Variants in ITPR1 observed in about 807,000 individuals in gnomAD.
The protein encoded by ITPR1 is inositol 1,4,5-trisphosphate receptor type 1, also known as inositol 1,4,5-trisphosphate-gated calcium channel ITPR1.
In ITPR1, 96 loss-of-function variants were observed where a neutral mutation model predicts 318.4. The observed-to-expected ratio is 0.30, with a 90% CI of 0.26 to 0.36. ITPR1 has a LOEUF of 0.36. ITPR1 is among the 10% of genes least tolerant of loss of function. The pLI, the probability that ITPR1 is intolerant of heterozygous loss-of-function variation, is 1.00. For synonymous variants in ITPR1, 1,312 were observed against 1,289.9 expected, an observed-to-expected ratio of 1.02 and a Z score of -0.37; for missense variants, 2,440 against 3,460.2, an observed-to-expected ratio of 0.71 and a Z score of 7.40.
In ITPR1 at chr3:4,778,759, C is replaced by T. The variant is rs2046635537; in HGVS notation, c.6292-791C>T. Among the ~76,000 whole-genome samples the T allele has an allele frequency of 3.3e-5, 5 of 152,020 alleles. No individual in the cohort carries two copies. In the South Asian group the frequency reaches 1.0e-3, roughly 32 times the overall value. ...TATGGATGATGATAGAAATTTGTGC[C>T]CTGCGATAGCATGATACCCTGACTC... On this transcript the variant is annotated intron_variant, in intron 48 of 61. Transcript: ENST00000649015.
chr3:4,784,836 G>A (rs1318903202), intron 51 of ITPR1, among the ~76,000 whole-genome samples: 2 of 152,000 alleles, frequency 1.3e-5, no homozygotes, highest in African/African-American at 2.4e-5. Context: ...GGCGGGGATT[G>A]CAGTGGGCCA....
intron 4 of ITPR1, among the ~76,000 whole-genome samples, chr3:4,526,100 A>C (rs1351826981): frequency 6.6e-6 from 1 of 152,236 alleles, no homozygotes; most frequent in African/African-American, 2.4e-5. Flanking sequence ...TTCTCTGTTC[A>C]CATCAAGAGG....
chr3:4,578,100 G>T (rs1235032244), intron 4 of ITPR1, among the ~76,000 whole-genome samples: 1 of 152,136 alleles, frequency 6.6e-6, no homozygotes, highest in Non-Finnish European at 1.5e-5. Flanking sequence ...CAAGCAAAAA[G>T]AGAAAAAGGA....
chr3:4,658,218 TCTC>T lies in ITPR1; in HGVS notation c.1096_1098del (p.Ser366del), dbSNP rs746446105. The T allele has an allele frequency of 6.2e-7, 1 of 1,613,566 alleles. No individual in the cohort carries two copies. Among genetic ancestry groups the T allele is most frequent in the Non-Finnish European group, 8.5e-7 (1 of 1,179,706 alleles). On this transcript the variant is annotated inframe_deletion, in exon 13 of 62. Coordinates refer to ENST00000649015, the MANE Select transcript of ITPR1 (RefSeq NM_001378452.1). Reference sequence around the variant, plus strand: ...GTCTCTGTGCCTGAAGGCAATGACATCTCCTCCATTTTCGAGCTAGATCCCACC... The same window carrying T: ...GTCTCTGTGCCTGAAGGCAATGACATCTCCATTTTCGAGCTAGATCCCACC...
At chr3:4,610,647 G>T (rs1009121156) in intron 4 of ITPR1, among the ~76,000 whole-genome samples, 1 of 152,114 alleles carries the variant, frequency 6.6e-6, no homozygotes, top group Non-Finnish European at 1.5e-5. Flanking sequence ...TACTGAGGAT[G>T]TAGAGTTCTC....
In ITPR1 at chr3:4,676,564, G is replaced by C. The variant is rs779765791; in HGVS notation, c.2780-50G>C. 16 of 1,444,558 alleles carry C rather than the reference G, an allele frequency of 1.1e-5. No individual in the cohort carries two copies. In the African/African-American group the frequency reaches 1.8e-4, roughly 16 times the overall value. The allele number at this position is 1,444,558 out of a possible 1,614,324, so 89.5% of individuals were successfully genotyped here. A position where few individuals can be genotyped will look rare whatever the true frequency, so the allele number is the denominator to read the frequency against. ...CCCCTGCCCCTTGACATATGCCTCT[G>C]AGCATTCTCTAGAGACATTGTGACC... On this transcript the variant is annotated intron_variant, in intron 23 of 61. Coordinates refer to ENST00000649015, the MANE Select transcript of ITPR1 (RefSeq NM_001378452.1).
At chr3:4,768,887 T>G (rs187358430) in intron 46 of ITPR1, 123 bp downstream of exon 46, 1 of 931,202 alleles carries the variant, frequency 1.1e-6, no homozygotes, top group Admixed American at 2.6e-5. Flanking sequence ...CCAGCAAGGT[T>G]CTTTTTTTTC....
intron 36 of ITPR1, among the ~76,000 whole-genome samples, chr3:4,705,025 T>G (rs1308617862): frequency 6.6e-6 from 1 of 151,918 alleles, no homozygotes; most frequent in African/African-American, 2.4e-5. Flanking sequence ...TCCGCTAAAT[T>G]GTGTGTGTGT....
chr3:4,761,500 G>A (rs2633714), intron 44 of ITPR1, among the ~76,000 whole-genome samples: 86,426 of 152,064 alleles, frequency 0.57, 26,095 homozygotes, highest in Non-Finnish European at 0.68. Flanking sequence ...TTTTCTTTAC[G>A]CAGCCCACTG....
intron 54 of ITPR1, among the ~76,000 whole-genome samples, chr3:4,801,784 A>G (rs952252094): frequency 1.3e-5 from 2 of 152,066 alleles, no homozygotes; most frequent in Non-Finnish European, 2.9e-5. Flanking sequence ...AAATGAACAA[A>G]TAAATAAATA....
intron 60 of ITPR1, chr3:4,825,613 C>T (rs888157401): frequency 2.4e-6 from 1 of 411,340 alleles, no homozygotes; most frequent in African/African-American, 2.1e-5. Context: ...TTGTGCTTAT[C>T]TGTATTTGAT....
At chr3:4,539,899 A>G (rs1170028481) in intron 4 of ITPR1, among the ~76,000 whole-genome samples, 1 of 151,954 alleles carries the variant, frequency 6.6e-6, no homozygotes, top group African/African-American at 2.4e-5. Flanking sequence ...CTTACCTTCT[A>G]TAACTTAAGA....
intron 40 of ITPR1, among the ~76,000 whole-genome samples, chr3:4,718,115 C>T (rs2041904744): frequency 6.6e-6 from 1 of 152,138 alleles, no homozygotes; most frequent in South Asian, 2.1e-4. Flanking sequence ...ATCTGGGGGC[C>T]TCTTGAATGT....
chr3:4,626,857 C>A (rs542723068), intron 4 of ITPR1, among the ~76,000 whole-genome samples: 1 of 152,118 alleles, frequency 6.6e-6, no homozygotes, highest in South Asian at 2.1e-4. Context: ...CTTGTTCTGC[C>A]GCCCAAACTG....
At chr3:4,691,022 C>T (rs2094471858) in intron 31 of ITPR1, 122 bp from the exon 32 acceptor site, 2 of 573,836 alleles carry the variant, frequency 3.5e-6, no homozygotes, top group African/African-American at 1.9e-5. Flanking sequence ...AGAAACATAT[C>T]TTCATGGGTT....
chr3:4,784,194 GGA>G, intron 51 of ITPR1, among the ~76,000 whole-genome samples: 1 of 152,134 alleles, frequency 6.6e-6, no homozygotes, highest in Non-Finnish European at 1.5e-5. Context: ...TCCAGCAGAG[GGA>G]CCTGCTGTAG....
intron 46 of ITPR1, among the ~76,000 whole-genome samples, chr3:4,771,650 A>C (rs929445361): frequency 5.3e-5 from 8 of 152,110 alleles, no homozygotes; most frequent in Non-Finnish European, 1.5e-5. Context: ...CCTTTTAATG[A>C]AGTCCTTCCA....
intron 44 of ITPR1, among the ~76,000 whole-genome samples, chr3:4,738,675 G>A (rs781254649): frequency 4.6e-5 from 7 of 152,180 alleles, no homozygotes; most frequent in Admixed American, 2.0e-4. Context: ...TGATGGTGAC[G>A]GCCAGGCACA....
intron 4 of ITPR1, among the ~76,000 whole-genome samples, chr3:4,574,429 G>A (rs929068075): frequency 4.6e-5 from 7 of 152,144 alleles, no homozygotes; most frequent in African/African-American, 1.7e-4. Flanking sequence ...CTCCTGCAGG[G>A]GAGATGGTCG....
Sources: allele counts gnomAD v4.1 joint callset (sites outside exome capture counted in the v4.1 genomes callset), GRCh38; gene constraint gnomAD v4.1.1; transcripts MANE v1.5; gene names NCBI Gene and HGNC (gene_info 2026-07-23, HGNC 2026-07-21).